The following CNTN5 variants were observed in gnomAD, a reference collection of about 807,000 sequenced individuals.
The protein encoded by CNTN5 is contactin 5.
Under a neutral mutation model 129.1 loss-of-function variants are expected in CNTN5, and 77 were observed. The ratio of observed to expected loss-of-function variants is 0.60; its 90% CI spans 0.50 to 0.72. The LOEUF (loss-of-function observed/expected upper bound fraction) is 0.72. CNTN5 is among the 30% of genes least tolerant of loss of function. The pLI is 0.00. For synonymous variants in CNTN5, 509 were observed against 465.6 expected, an observed-to-expected ratio of 1.09 and a Z score of -1.20; for missense variants, 1,478 against 1,328.8, an observed-to-expected ratio of 1.11 and a Z score of -1.75.
At chr11:99,992,525 T>C (rs1939177289) in intron 8 of CNTN5, among the ~76,000 whole-genome samples, 1 of 152,180 alleles carries the variant, frequency 6.6e-6, no homozygotes, top group Admixed American at 6.5e-5. Flanking sequence ...CTTGAATTTT[T>C]TTAATGTTCA....
intron 9 of CNTN5, among the ~76,000 whole-genome samples, chr11:100,033,176 T>C (rs186687614): frequency 6.6e-6 from 1 of 152,260 alleles, no homozygotes; most frequent in African/African-American, 2.4e-5. Flanking sequence ...AGCCCAGACG[T>C]GCAGACTACA....
intron 2 of CNTN5, among the ~76,000 whole-genome samples, chr11:99,432,581 TACAA>T (rs1415024395): frequency 2.0e-5 from 3 of 151,882 alleles, no homozygotes; most frequent in Non-Finnish European, 2.9e-5. Context: ...GAAGTGTTTA[TACAA>T]ACAGTCATAA....
chr11:99,781,463 T>A (rs555084150), intron 3 of CNTN5, among the ~76,000 whole-genome samples: 2 of 152,126 alleles, frequency 1.3e-5, no homozygotes, highest in Non-Finnish European at 2.9e-5. Context: ...AGTGATATAT[T>A]GAAGTTAGCA....
intron 2 of CNTN5, among the ~76,000 whole-genome samples, chr11:99,345,938 G>A (rs1489383009): frequency 6.6e-6 from 1 of 152,092 alleles, no homozygotes; most frequent in South Asian, 2.1e-4. Flanking sequence ...AAAGATACAT[G>A]AGAGATTAAT....
At chr11:99,206,666 A>G (rs144093329) in intron 1 of CNTN5, among the ~76,000 whole-genome samples, 1 of 152,192 alleles carries the variant, frequency 6.6e-6, no homozygotes, top group East Asian at 1.9e-4. Context: ...TGCAATTTCC[A>G]GAGCTTTGGA....
intron 1 of CNTN5, among the ~76,000 whole-genome samples, chr11:99,184,555 A>G (rs1018842751): frequency 3.3e-5 from 5 of 152,084 alleles, no homozygotes; most frequent in African/African-American, 1.2e-4. Context: ...GTGTTTTAAC[A>G]TATTTGCCCT....
chr11:99,848,048 A>G (rs1947756829), intron 6 of CNTN5, among the ~76,000 whole-genome samples: 2 of 152,096 alleles, frequency 1.3e-5, no homozygotes, highest in Admixed American at 6.6e-5. Flanking sequence ...CATCTCTACT[A>G]AAAATACAAA....
chr11:99,881,543 G>C (rs561628151), intron 6 of CNTN5, among the ~76,000 whole-genome samples: 1 of 152,212 alleles, frequency 6.6e-6, no homozygotes, highest in East Asian at 1.9e-4. Context: ...TCTCATATCA[G>C]TAGCATACAA....
chr11:99,475,736 TAATTCTAATAATTTTTAAAATAATA>T (rs1945344843), intron 2 of CNTN5, among the ~76,000 whole-genome samples: 1 of 152,134 alleles, frequency 6.6e-6, no homozygotes, highest in African/African-American at 2.4e-5. Context: ...TTTAAGTTTC[TAATTCTAATAATTTTTAAAATAATA>T]AATGGAAGAG....
chr11:99,042,731 G>T (rs554016263), intron 1 of CNTN5, among the ~76,000 whole-genome samples: 16 of 152,220 alleles, frequency 1.1e-4, no homozygotes, highest in African/African-American at 3.6e-4. Context: ...TTAGCAAGCA[G>T]TACAATGCCT....
intron 15 of CNTN5, among the ~76,000 whole-genome samples, chr11:100,206,862 A>G (rs1424612491): frequency 6.6e-6 from 1 of 152,054 alleles, no homozygotes; most frequent in Non-Finnish European, 1.5e-5. Context: ...TATATTTGCT[A>G]AACAAAATAT....
intron 1 of CNTN5, among the ~76,000 whole-genome samples, chr11:99,151,572 G>A (rs763115998): frequency 6.6e-6 from 1 of 152,016 alleles, no homozygotes; most frequent in African/African-American, 2.4e-5. Context: ...GACTATAAAA[G>A]GAAGAAAATG....
At chr11:99,116,872 AGAGT>A (rs768667082) in intron 1 of CNTN5, among the ~76,000 whole-genome samples, 158 of 152,318 alleles carry the variant, frequency 1.0e-3, no homozygotes, top group South Asian at 1.2e-3. Context: ...CCAAGTAAAT[AGAGT>A]AAGCTGCTGG....
intron 1 of CNTN5, among the ~76,000 whole-genome samples, chr11:99,314,460 C>T (rs879662950): frequency 6.6e-6 from 1 of 152,054 alleles, no homozygotes. Flanking sequence ...CAAATAACTA[C>T]TTTCACTTGT....
At chr11:99,768,295 G>C (rs1944825482) in intron 3 of CNTN5, among the ~76,000 whole-genome samples, 1 of 151,808 alleles carries the variant, frequency 6.6e-6, no homozygotes, top group Non-Finnish European at 1.5e-5. Flanking sequence ...GCTTTTTTCT[G>C]AACTATTTAA....
At chr11:100,242,719 C>A (rs532518909) in intron 16 of CNTN5, among the ~76,000 whole-genome samples, 1 of 152,160 alleles carries the variant, frequency 6.6e-6, no homozygotes, top group Non-Finnish European at 1.5e-5. Flanking sequence ...CCAGACCCTA[C>A]GTCCAACAAT....
At chr11:100,078,514 A>T (rs1003284760) in intron 13 of CNTN5, among the ~76,000 whole-genome samples, 12 of 152,154 alleles carry the variant, frequency 7.9e-5, no homozygotes, top group Admixed American at 7.9e-4. Context: ...AATAATGATG[A>T]TGACTGCTTA....
chr11:99,679,036 AAT>A (rs1303359787), intron 3 of CNTN5, among the ~76,000 whole-genome samples: 2 of 147,012 alleles, frequency 1.4e-5, no homozygotes, highest in Non-Finnish European at 3.0e-5. Context: ...ATATATATAA[AAT>A]ATATGCATTT....
At chr11:100,029,662 C>T (rs1280420770) in intron 9 of CNTN5, among the ~76,000 whole-genome samples, 1 of 152,120 alleles carries the variant, frequency 6.6e-6, no homozygotes, top group Non-Finnish European at 1.5e-5. Flanking sequence ...AAATTTGAGT[C>T]TGCTATTCCT....
Sources: allele counts gnomAD v4.1 joint callset (sites outside exome capture counted in the v4.1 genomes callset), GRCh38; gene constraint gnomAD v4.1.1; transcripts MANE v1.5; gene names NCBI Gene and HGNC (gene_info 2026-07-23, HGNC 2026-07-21).